Variants in ACSL3 observed in about 807,000 individuals in gnomAD.
ACSL3 encodes acyl-CoA synthetase long chain family member 3.
ACSL3 carries 34 observed loss-of-function variants against 84.7 expected under a neutral mutation model. The ratio of observed to expected loss-of-function variants is 0.40; its 90% confidence interval spans 0.31 to 0.53. The LOEUF is 0.53. Ranked by LOEUF, ACSL3 falls within the 20% of genes least tolerant of loss-of-function variation. ACSL3 has a pLI of 0.48. For synonymous variants in ACSL3, 315 were observed against 299.4 expected, an observed-to-expected ratio of 1.05 and a Z score of -0.54; for missense variants, 680 against 873.1, an observed-to-expected ratio of 0.78 and a Z score of 2.79.
Position 222,919,135 on chromosome 2 carries a change from G to A in ACSL3, c.738G>A (p.Glu246=). 6.2e-7 allele frequency: 1 copy of A among 1,614,164 alleles called. No homozygotes were observed. The highest frequency in any genetic ancestry group is 8.5e-7 in the Non-Finnish European group (1 of 1,180,024). ...ATGGAAAGCCACCGACCTGGTCCGA[G>A]TTCCCCAAGGGCATCATTGTGCATA... The part of the protein sequence containing the change: ...TVDGKPPTWS[E]FPKGIIVHTM... The change falls in exon 7 of 17, where the codon GAG becomes GAA. Residue 246 remains glutamate (E), a synonymous_variant. Coordinates refer to ENST00000357430, the MANE Select transcript of ACSL3 (RefSeq NM_004457.5).
intron 2 of ACSL3, among the ~76,000 whole-genome samples, chr2:222,893,800 T>C (rs938297464): frequency 1.3e-5 from 2 of 151,264 alleles, no homozygotes; most frequent in African/African-American, 4.9e-5. Flanking sequence ...TCTTCTCACC[T>C]CACAGGGTTG....
chr2:222,938,113 T>A (rs1012217692), intron 16 of ACSL3, among the ~76,000 whole-genome samples: 1 of 152,304 alleles, frequency 6.6e-6, no homozygotes, highest in Admixed American at 6.5e-5. Context: ...ACCTTTTTAT[T>A]GTGTAGTCAT....
intron 1 of ACSL3, among the ~76,000 whole-genome samples, chr2:222,878,922 T>C (rs890051791): frequency 6.6e-6 from 1 of 152,258 alleles, no homozygotes; most frequent in Non-Finnish European, 1.5e-5. Flanking sequence ...CCTTAAATTC[T>C]GCACTTCATC....
At chr2:222,914,598 G>A (rs1402112552) in intron 4 of ACSL3, among the ~76,000 whole-genome samples, 1 of 152,154 alleles carries the variant, frequency 6.6e-6, no homozygotes, top group Admixed American at 6.5e-5. Context: ...GGTTTCAGAG[G>A]TATTTCAGAG....
rs370508575 is a variant in ACSL3 at position 222,943,100 on chromosome 2, C to CAAAA, written c.*1448_*1451dup. 3.8e-5 allele frequency: 3 copies of CAAAA among 78,304 alleles called. No homozygotes were observed. Among genetic ancestry groups the CAAAA allele is most frequent in the Non-Finnish European group, 6.4e-5 (3 of 46,632 alleles). The allele number at this position is 78,304 out of a possible 1,614,324, so 4.9% of individuals were successfully genotyped here. A position where few individuals can be genotyped will look rare whatever the true frequency, so the allele number is the denominator to read the frequency against. ...AGGCAAAAATCAAAAAAAAAAAAAA[C>CAAAA]AAAAACAAAAAAAAAGATGAACCTA... is the stretch of plus-strand genomic sequence containing the variant. On this transcript the variant is annotated 3_prime_UTR_variant, in exon 17 of 17. Transcript: ENST00000357430.
chr2:222,865,469 C>T (rs1298139262), intron 1 of ACSL3, among the ~76,000 whole-genome samples: 1 of 152,124 alleles, frequency 6.6e-6, no homozygotes, highest in Non-Finnish European at 1.5e-5. Flanking sequence ...TTGCAAGGTA[C>T]TCGGAATTTG....
intron 1 of ACSL3, among the ~76,000 whole-genome samples, chr2:222,872,890 G>A (rs771113049): frequency 3.3e-5 from 5 of 152,130 alleles, no homozygotes; most frequent in Admixed American, 6.6e-5. Context: ...TCCACAAGAA[G>A]GGCAGGAGTT....
chr2:222,942,628 TA>T lies in ACSL3; in HGVS notation c.*976del. ...TCTCAAAGTCTCCTTTTAGTCTAGA[TA>T]ATCATTATTTCATTTTAAAATTAGT... is the stretch of plus-strand genomic sequence containing the variant. On this transcript the variant is annotated 3_prime_UTR_variant, in exon 17 of 17. Transcript: ENST00000357430. 5.0e-6 allele frequency: 1 copy of T among 201,222 alleles called. No individual in the cohort carries two copies. Among genetic ancestry groups the T allele is most frequent in the Non-Finnish European group, 1.0e-5 (1 of 98,060 alleles). The allele number at this position is 201,222 out of a possible 1,614,324, so 12.5% of individuals were successfully genotyped here.
intron 10 of ACSL3, among the ~76,000 whole-genome samples, chr2:222,923,974 G>A (rs1160416280): frequency 2.6e-5 from 4 of 152,148 alleles, no homozygotes; most frequent in South Asian, 2.1e-4. Context: ...GTGCAATATC[G>A]AAAGTCAAAT....
In ACSL3 at chr2:222,919,220, A is replaced by G; in HGVS notation, c.805+18A>G. The stretch of plus-strand genomic sequence containing the variant: ...CAGCATGGGTATGTTACACTTTTCT[A>G]ATTCCTTACCTGTGCTTTCTGGTGA... On this transcript the variant is annotated intron_variant, in intron 7 of 16. Coordinates refer to ENST00000357430, the MANE Select transcript of ACSL3 (RefSeq NM_004457.5). The G allele has an allele frequency of 1.2e-6, 2 of 1,612,958 alleles. No individual in the cohort carries two copies. The highest frequency in any genetic ancestry group is 1.1e-5 in the South Asian group (1 of 90,854).
In ACSL3 at chr2:222,920,227, A is replaced by G. The variant is rs74828670; in HGVS notation, c.805+1025A>G. Among the ~76,000 whole-genome samples, 961 of 152,330 alleles carry G rather than the reference A, an allele frequency of 6.3e-3. 10 individuals are homozygous for G. Among genetic ancestry groups the G allele is most frequent in the African/African-American group, 0.022 (910 of 41,566 alleles). ...GAAGTAAAGACTTCCAAGTGTAAAC[A>G]TTATTTAAGAAATGTATCTTGACTG... On this transcript the variant is annotated intron_variant, in intron 7 of 16. Transcript: ENST00000357430.
intron 12 of ACSL3, 75 bp downstream of exon 12, chr2:222,927,264 T>G (rs1696908364): frequency 6.7e-7 from 1 of 1,495,320 alleles, no homozygotes; most frequent in Non-Finnish European, 9.2e-7. Context: ...TTTCTGCAAA[T>G]ATATAGGAGA....
At position 222,938,652 on chromosome 2, in the gene ACSL3, G is replaced by A. The variant is rs1247486849; in HGVS notation, c.2006-2845G>A. Among the ~76,000 whole-genome samples, 3 of 152,074 alleles carry A rather than the reference G, an allele frequency of 2.0e-5. No homozygotes were observed. In the East Asian group the frequency reaches 5.8e-4, roughly 29 times the overall value. ...CCTAGTGGAGTGTTTTGAGCTGCTT[G>A]AATTTATACTCCCATTTCTCTTCTC... is the stretch of plus-strand genomic sequence containing the variant. On this transcript the variant is annotated intron_variant, in intron 16 of 16. Coordinates refer to ENST00000357430, the MANE Select transcript of ACSL3 (RefSeq NM_004457.5).
At chr2:222,914,062 T>C (rs1451363547) in intron 4 of ACSL3, among the ~76,000 whole-genome samples, 2 of 152,162 alleles carry the variant, frequency 1.3e-5, no homozygotes, top group African/African-American at 4.8e-5. Flanking sequence ...GCAGAGAGAA[T>C]GGTTAAATGA....
Position 222,919,302 on chromosome 2 carries a change from A to G in ACSL3, c.805+100A>G, listed in dbSNP as rs1412658774. ...ATTCTGAGGTTAGCTCAAATGACAC[A>G]TCAGTTTTCTAACATCAGTTAGGAA... is the stretch of plus-strand genomic sequence containing the variant. On this transcript the variant is annotated intron_variant, in intron 7 of 16. Transcript: ENST00000357430. 13 of 1,408,984 alleles carry G rather than the reference A, an allele frequency of 9.2e-6. No homozygotes were observed. In the East Asian group the frequency reaches 2.6e-4, roughly 28 times the overall value. 87.3% of individuals were successfully genotyped at this position (1,408,984 alleles called of 1,614,324 possible).
intron 14 of ACSL3, 139 bp downstream of exon 14, chr2:222,930,951 A>G (rs1697016015): frequency 5.5e-6 from 4 of 720,784 alleles, no homozygotes; most frequent in Non-Finnish European, 8.6e-6. Flanking sequence ...CTCCTGGAAT[A>G]TAAAATATTA....
chr2:222,880,906 C>T (rs1449943671), intron 1 of ACSL3, among the ~76,000 whole-genome samples: 1 of 151,520 alleles, frequency 6.6e-6, no homozygotes, highest in Non-Finnish European at 1.5e-5. Context: ...TGTGAATTCT[C>T]CCTCTGGTTG....
At chr2:222,899,664 G>A (rs965709920) in intron 2 of ACSL3, among the ~76,000 whole-genome samples, 1 of 152,118 alleles carries the variant, frequency 6.6e-6, no homozygotes. Flanking sequence ...CATAGACAGA[G>A]TAGGATGCTC....
rs117700804 is a variant in ACSL3 at position 222,920,777 on chromosome 2, C to T, written c.806-503C>T. Among the ~76,000 whole-genome samples the T allele has an allele frequency of 1.5e-4, 23 of 152,292 alleles. No homozygotes were observed. The East Asian group carries it at 2.5e-3, about 17-fold the overall frequency. Reference sequence around the variant, plus strand: ...AGGTCCTATGTGTGGTCCCTGATAGCCACTTGACTATTGTTTCTTGCCACT... The same window carrying T: ...AGGTCCTATGTGTGGTCCCTGATAGTCACTTGACTATTGTTTCTTGCCACT... On this transcript the variant is annotated intron_variant, in intron 7 of 16. Coordinates refer to ENST00000357430, the MANE Select transcript of ACSL3 (RefSeq NM_004457.5).
Sources: gnomAD v4.1 joint callset for allele counts (sites outside exome capture counted in the v4.1 genomes callset) on GRCh38, gnomAD v4.1.1 for gene constraint, MANE v1.5 for transcripts, NCBI Gene and HGNC (gene_info 2026-07-23, HGNC 2026-07-21) for gene names.